The following SCAPER variants were observed in gnomAD, a reference collection of about 807,000 sequenced individuals.
SCAPER encodes S-phase cyclin A associated protein in the ER.
SCAPER carries 98 observed loss-of-function variants against 182.2 expected under a neutral mutation model. The observed-to-expected ratio is 0.54, with a 90% CI of 0.46 to 0.64. The LOEUF is 0.64. SCAPER is among the 30% of genes least tolerant of loss of function. SCAPER has a pLI of 0.00. For missense variants in SCAPER, 1,432 were observed against 1,690.0 expected (o/e 0.85, Z 2.68); for synonymous variants, 605 against 564.6 (o/e 1.07, Z -1.01).
chr15:76,655,773 A>T (rs900284321), intron 21 of SCAPER, among the ~76,000 whole-genome samples: 1 of 152,200 alleles, frequency 6.6e-6, no homozygotes, highest in South Asian at 2.1e-4. Flanking sequence ...TATTAAAAGA[A>T]ATTCCAACCA....
At chr15:76,432,078 G>A (rs951933693) in intron 26 of SCAPER, among the ~76,000 whole-genome samples, 2 of 152,206 alleles carry the variant, frequency 1.3e-5, no homozygotes, top group African/African-American at 4.8e-5. Context: ...TGGATCTTCC[G>A]CTTCATCACA....
intron 21 of SCAPER, among the ~76,000 whole-genome samples, chr15:76,641,773 G>A (rs1035850528): frequency 3.3e-5 from 5 of 152,108 alleles, no homozygotes; most frequent in Admixed American, 6.5e-5. Flanking sequence ...GGAATAAGAT[G>A]CAGCATGATA....
At chr15:76,546,967 G>T (rs2045351816) in intron 23 of SCAPER, among the ~76,000 whole-genome samples, 1 of 152,014 alleles carries the variant, frequency 6.6e-6, no homozygotes, top group African/African-American at 2.4e-5. Flanking sequence ...GAACATTTAG[G>T]TTGTTTTCAG....
intron 4 of SCAPER, among the ~76,000 whole-genome samples, chr15:76,850,998 T>C (rs942388903): frequency 6.7e-6 from 1 of 149,962 alleles, no homozygotes. Context: ...AAATACCCAG[T>C]ATAAAAAAGA....
chr15:76,705,790 G>T, intron 18 of SCAPER, 113 bp downstream of exon 18: 2 of 698,036 alleles, frequency 2.9e-6, no homozygotes, highest in Non-Finnish European at 4.6e-6. Flanking sequence ...TATAAGCTTT[G>T]TTGTGCAAAG....
chr15:76,869,704 C>CA (rs892337730), intron 2 of SCAPER, among the ~76,000 whole-genome samples: 55 of 151,946 alleles, frequency 3.6e-4, no homozygotes, highest in Admixed American at 1.0e-3. Flanking sequence ...GAAAGTTCCC[C>CA]AAAAAAACTA....
At chr15:76,502,764 T>G (rs1410030470) in intron 24 of SCAPER, among the ~76,000 whole-genome samples, 1 of 152,112 alleles carries the variant, frequency 6.6e-6, no homozygotes, top group South Asian at 2.1e-4. Flanking sequence ...TAAAGTGAGA[T>G]GAAGGAACAA....
chr15:76,550,483 T>C (rs1348920258), intron 23 of SCAPER, among the ~76,000 whole-genome samples: 1 of 152,228 alleles, frequency 6.6e-6, no homozygotes, highest in Non-Finnish European at 1.5e-5. Context: ...CTGAGGATGA[T>C]GGCTTCCAGT....
At chr15:76,585,065 A>T (rs2048537186) in intron 22 of SCAPER, among the ~76,000 whole-genome samples, 1 of 152,196 alleles carries the variant, frequency 6.6e-6, no homozygotes, top group African/African-American at 2.4e-5. Context: ...TAAAATCAAA[A>T]GTACCTATAC....
intron 28 of SCAPER, 55 bp downstream of exon 28, chr15:76,381,323 C>A: frequency 6.9e-7 from 1 of 1,453,168 alleles, no homozygotes; most frequent in Non-Finnish European, 9.5e-7. Context: ...ATCCTATCTA[C>A]ACTAAAATAC....
At chr15:76,683,020 A>G (rs1372122403) in intron 20 of SCAPER, among the ~76,000 whole-genome samples, 1 of 152,218 alleles carries the variant, frequency 6.6e-6, no homozygotes, top group African/African-American at 2.4e-5. Context: ...CAAAAGTACC[A>G]TATTAGTTCC....
chr15:76,589,519 G>A (rs933727950), intron 22 of SCAPER, among the ~76,000 whole-genome samples: 2 of 152,124 alleles, frequency 1.3e-5, no homozygotes, highest in African/African-American at 4.8e-5. Flanking sequence ...CAAAAGGCTG[G>A]TGTCACTCCC....
At position 76,697,341 on chromosome 15, in the gene SCAPER, G is replaced by T. The variant is rs191581524; in HGVS notation, c.2508+4417C>A. The stretch of plus-strand genomic sequence containing the variant: ...AAGAATAACAACATGAATTAAGTTA[G>T]AACTTTAAGAAAATTTAATTCCTTC... On this transcript the variant is annotated intron_variant, in intron 20 of 31. Transcript: ENST00000563290. Among the ~76,000 whole-genome samples the T allele has an allele frequency of 4.8e-3, 737 of 152,244 alleles. 5 individuals carry two copies. The highest frequency in any genetic ancestry group is 7.6e-3 in the Non-Finnish European group (517 of 67,992).
chr15:76,647,494 C>A (rs183861594), intron 21 of SCAPER, among the ~76,000 whole-genome samples: 71 of 152,276 alleles, frequency 4.7e-4, no homozygotes, highest in African/African-American at 1.7e-3. Flanking sequence ...AAGGCACTTT[C>A]CAGATAGCTA....
chr15:76,494,528 T>C (rs980235153), intron 24 of SCAPER, among the ~76,000 whole-genome samples: 2 of 152,206 alleles, frequency 1.3e-5, no homozygotes, highest in Admixed American at 1.3e-4. Context: ...CACAGTTTTT[T>C]TATATCAATG....
chr15:76,792,933 A>C (rs2065092046), intron 8 of SCAPER, among the ~76,000 whole-genome samples: 1 of 152,254 alleles, frequency 6.6e-6, no homozygotes, highest in Admixed American at 6.5e-5. Flanking sequence ...GGGAGTATTC[A>C]GTTGTGCCTC....
intron 29 of SCAPER, 33 bp downstream of exon 29, chr15:76,376,129 G>A: frequency 1.2e-6 from 2 of 1,610,342 alleles, no homozygotes; most frequent in Non-Finnish European, 1.7e-6. Flanking sequence ...AGCACTGGGG[G>A]AGCAGTCTAA....
At chr15:76,750,693 T>C (rs200186983) in intron 15 of SCAPER, among the ~76,000 whole-genome samples, 2 of 151,736 alleles carry the variant, frequency 1.3e-5, no homozygotes, top group African/African-American at 2.4e-5. Flanking sequence ...AAGAAAACAT[T>C]TGACAATTCA....
At chr15:76,682,440 A>C (rs1450614499) in intron 20 of SCAPER, among the ~76,000 whole-genome samples, 1 of 152,036 alleles carries the variant, frequency 6.6e-6, no homozygotes, top group African/African-American at 2.4e-5. Context: ...ACACCCTGCC[A>C]CTGCAAGCGC....
Sources: allele counts gnomAD v4.1 joint callset (sites outside exome capture counted in the v4.1 genomes callset), GRCh38; gene constraint gnomAD v4.1.1; transcripts MANE v1.5; gene names NCBI Gene and HGNC (gene_info 2026-07-23, HGNC 2026-07-21).